Variants in DOK5 observed in about 807,000 individuals in gnomAD.
DOK5 encodes the protein downstream of tyrosine kinase 5.
In DOK5, 27 loss-of-function variants were observed where a neutral mutation model predicts 43.3. The observed-to-expected ratio is 0.62, with a 90% CI of 0.46 to 0.86. The LOEUF is 0.86. Ranked by LOEUF, DOK5 falls within the 40% of genes least tolerant of loss-of-function variation. The pLI is 0.00. For synonymous variants in DOK5, 146 were observed against 140.1 expected (o/e 1.04, Z -0.30); for missense variants, 373 against 392.9 (o/e 0.95, Z 0.43).
chr20:54,620,530 C>A (rs560918499), intron 6 of DOK5, among the ~76,000 whole-genome samples: 1 of 152,146 alleles, frequency 6.6e-6, no homozygotes, highest in Non-Finnish European at 1.5e-5. Context: ...TGAGCCACAG[C>A]GCCTGGCATT....
chr20:54,497,285 G>A lies in DOK5; in HGVS notation c.66+21273G>A, dbSNP rs78081911. Among the ~76,000 whole-genome samples, 534 of 152,268 alleles carry A rather than the reference G, an allele frequency of 3.5e-3. 4 individuals carry two copies. The highest frequency in any genetic ancestry group is 0.012 in the African/African-American group (510 of 41,544). On this transcript the variant is annotated intron_variant, in intron 1 of 7. Transcript: ENST00000262593. ...ATCAATGAATGAATATTACAAACCCGAATGTAGAGACACTGCTTCATGCAT... is the reference window on the plus strand; with the variant it reads ...ATCAATGAATGAATATTACAAACCCAAATGTAGAGACACTGCTTCATGCAT...
rs71196453 is a variant in DOK5, at chr20:54,475,923, A to AGG, written c.-18_-17dup. 5.3e-5 allele frequency: 85 copies of AGG among 1,612,044 alleles called. No homozygotes were observed. The highest frequency in any genetic ancestry group is 2.3e-4 in the African/African-American group (17 of 74,828). ...ACTTCGGGTGCGCGCTCTTGGGTAA[A>AGG]GGGGGGGTCACCGGCTGTCTGGGAT... On this transcript the variant is annotated 5_prime_UTR_variant, in exon 1 of 8. Transcript: ENST00000262593. The surrounding 1 kb of genome is among the most constrained non-coding windows in gnomAD (Gnocchi z 4.2).
chr20:54,573,324 A>G (rs1985350935), intron 2 of DOK5, among the ~76,000 whole-genome samples: 2 of 152,206 alleles, frequency 1.3e-5, no homozygotes, highest in Admixed American at 1.3e-4. Context: ...TGGGAGTGAC[A>G]GAAAAAGACC....
intron 1 of DOK5, among the ~76,000 whole-genome samples, chr20:54,485,091 G>A (rs1280250945): frequency 1.3e-5 from 2 of 152,192 alleles, no homozygotes; most frequent in Admixed American, 6.5e-5. Context: ...CAGCACTTTG[G>A]GAGGCCGAGG....
At chr20:54,597,519 T>C (rs1297381688) in intron 5 of DOK5, among the ~76,000 whole-genome samples, 1 of 152,232 alleles carries the variant, frequency 6.6e-6, no homozygotes, top group Non-Finnish European at 1.5e-5. Context: ...ATTACCTCAT[T>C]TGAGCTACTC....
intron 1 of DOK5, among the ~76,000 whole-genome samples, chr20:54,486,237 G>A (rs559698346): frequency 2.6e-5 from 4 of 152,046 alleles, no homozygotes; most frequent in African/African-American, 7.2e-5. Flanking sequence ...TTTTGAAAAG[G>A]TTGTCTTTTC....
At chr20:54,598,707 T>C (rs1027974723) in intron 5 of DOK5, among the ~76,000 whole-genome samples, 2 of 152,238 alleles carry the variant, frequency 1.3e-5, no homozygotes, top group African/African-American at 4.8e-5. Context: ...AGAGTCTCTC[T>C]TGTGCTTTTG....
chr20:54,539,595 T>C (rs996722014), intron 1 of DOK5, among the ~76,000 whole-genome samples: 1 of 152,204 alleles, frequency 6.6e-6, no homozygotes, highest in Non-Finnish European at 1.5e-5. Flanking sequence ...ATTTTCAATG[T>C]CTGTTTGCTG....
chr20:54,615,738 T>C lies in DOK5; in HGVS notation c.735+5215T>C, dbSNP rs562288902. The stretch of plus-strand genomic sequence containing the variant: ...CAGCCTGGCCAACATGGTGAAACCC[T>C]GTCTCTACTAAAAATACAAAAATTA... On this transcript the variant is annotated intron_variant, in intron 6 of 7. Transcript: ENST00000262593. 1.8e-3 allele frequency among the ~76,000 whole-genome samples: 278 copies of C among 152,200 alleles called. 5 individuals carry two copies. The highest frequency in any genetic ancestry group is 1.0e-3 in the Non-Finnish European group (69 of 67,974).
At chr20:54,615,418 G>T (rs1341928293) in intron 6 of DOK5, among the ~76,000 whole-genome samples, 1 of 152,168 alleles carries the variant, frequency 6.6e-6, no homozygotes, top group Admixed American at 6.5e-5. Flanking sequence ...GTCTATCCAG[G>T]TGGGTCGAAT....
At chr20:54,493,922 G>C (rs997660912) in intron 1 of DOK5, among the ~76,000 whole-genome samples, 2 of 152,174 alleles carry the variant, frequency 1.3e-5, no homozygotes, top group African/African-American at 4.8e-5. Flanking sequence ...CTGGGTGACA[G>C]ACTGAGACCA....
rs375157721 is a variant in DOK5, at chr20:54,563,056, C to T, written c.174+8016C>T. Reference sequence around the variant, plus strand: ...AGAAAGCCATGTGAAGACAGGCAGACACTGGAGTGATACAATTAAAAGCCA... The same window carrying T: ...AGAAAGCCATGTGAAGACAGGCAGATACTGGAGTGATACAATTAAAAGCCA... On this transcript the variant is annotated intron_variant, in intron 2 of 7. Transcript: ENST00000262593. 3.9e-5 allele frequency among the ~76,000 whole-genome samples: 6 copies of T among 152,286 alleles called. No homozygotes were observed. The East Asian group carries it at 5.8e-4, about 15-fold the overall frequency.
chr20:54,477,574 CA>C, intron 1 of DOK5, among the ~76,000 whole-genome samples: 1 of 151,042 alleles, frequency 6.6e-6, no homozygotes, highest in Non-Finnish European at 1.5e-5. Flanking sequence ...AAGGGGCAAA[CA>C]ATAATGGGAA....
intron 2 of DOK5, among the ~76,000 whole-genome samples, chr20:54,572,845 A>T (rs773381671): frequency 6.6e-6 from 1 of 152,154 alleles, no homozygotes; most frequent in Non-Finnish European, 1.5e-5. Flanking sequence ...CCAACCATGG[A>T]TGTGTTAATG....
At chr20:54,540,886 AT>A (rs34113950) in intron 1 of DOK5, among the ~76,000 whole-genome samples, 11,465 of 152,132 alleles carry the variant, frequency 0.075, 1,394 homozygotes, top group African/African-American at 0.26. Flanking sequence ...AGATAATATT[AT>A]TGTGTTTATA....
intron 1 of DOK5, among the ~76,000 whole-genome samples, chr20:54,481,120 CATGTATCTATCATCTATCT>C: frequency 7.0e-6 from 1 of 143,126 alleles, no homozygotes; most frequent in African/African-American, 2.7e-5. Flanking sequence ...ATCTATCTAT[CATGTATCTATCATCTATCT>C]ATCTATCTAT....
intron 1 of DOK5, among the ~76,000 whole-genome samples, chr20:54,550,796 C>T (rs895470589): frequency 6.6e-6 from 1 of 152,140 alleles, no homozygotes; most frequent in African/African-American, 2.4e-5. Flanking sequence ...CATTCACCCA[C>T]AGAAGGATTT....
chr20:54,594,310 T>C (rs1355690504), intron 5 of DOK5, among the ~76,000 whole-genome samples: 3 of 152,198 alleles, frequency 2.0e-5, no homozygotes, highest in Non-Finnish European at 4.4e-5. Flanking sequence ...GAGGATCACT[T>C]GAGCCTGGGA....
chr20:54,647,014 A>C (rs559185368), intron 7 of DOK5, among the ~76,000 whole-genome samples: 8 of 151,670 alleles, frequency 5.3e-5, no homozygotes, highest in Non-Finnish European at 1.2e-4. Flanking sequence ...AGTCTTCGAG[A>C]GCCCCCTGCT....
Sources: gnomAD v4.1 joint callset for allele counts (sites outside exome capture counted in the v4.1 genomes callset) on GRCh38, gnomAD v4.1.1 for gene constraint, Gnocchi (gnomAD v3.1) non-coding constraint, MANE v1.5 for transcripts, NCBI Gene and HGNC (gene_info 2026-07-23, HGNC 2026-07-21) for gene names.